The following ITPRID1 variants were observed in gnomAD, a reference collection of about 807,000 sequenced individuals.
The protein encoded by ITPRID1 is ITPR interacting domain containing 1, also known as protein ITPRID1.
Under a neutral mutation model 95.4 loss-of-function variants are expected in ITPRID1, and 96 were observed. The ratio of observed to expected loss-of-function variants is 1.01; its 90% CI spans 0.85 to 1.19. ITPRID1 has a LOEUF of 1.19. Ranked by LOEUF, ITPRID1 falls within the 50% of genes most tolerant of loss-of-function variation. The pLI is 0.00. For missense variants in ITPRID1, 1,339 were observed against 1,252.9 expected (o/e 1.07, Z -1.04); for synonymous variants, 510 against 453.6 (o/e 1.12, Z -1.58).
chr7:31,547,556 C>G (rs1029322570), intron 1 of ITPRID1, among the ~76,000 whole-genome samples: 4 of 152,096 alleles, frequency 2.6e-5, no homozygotes. Context: ...CAATAACCTC[C>G]TACCGGGTCC....
intron 1 of ITPRID1, among the ~76,000 whole-genome samples, chr7:31,526,753 TA>T (rs1783434316): frequency 6.6e-6 from 1 of 152,110 alleles, no homozygotes. Flanking sequence ...TTCTCCCACA[TA>T]GTTCTAAAAT....
At chr7:31,516,248 T>C (rs1783037157) in intron 1 of ITPRID1, among the ~76,000 whole-genome samples, 1 of 152,230 alleles carries the variant, frequency 6.6e-6, no homozygotes, top group South Asian at 2.1e-4. Flanking sequence ...CACATTTAGG[T>C]TTGTTGAAGG....
chr7:31,649,896 C>T (rs887309731), intron 12 of ITPRID1, among the ~76,000 whole-genome samples: 1 of 152,164 alleles, frequency 6.6e-6, no homozygotes, highest in African/African-American at 2.4e-5. Flanking sequence ...GGGGAAAGAG[C>T]TGAGCTCCAC....
chr7:31,652,414 T>G, intron 14 of ITPRID1, 104 bp from the exon 15 acceptor site: 2 of 1,461,628 alleles, frequency 1.4e-6, no homozygotes, highest in Non-Finnish European at 1.8e-6. Flanking sequence ...GAGCCCATTC[T>G]AGAGAATCGA....
At chr7:31,554,984 TGAGCATTATCA>T in intron 5 of ITPRID1, 83 bp downstream of exon 5, 1 of 1,043,656 alleles carries the variant, frequency 9.6e-7, no homozygotes, top group Admixed American at 2.1e-5. Context: ...CTTCTTAAAA[TGAGCATTATCA>T]GAGGCTTCTA....
chr7:31,562,747 C>G (rs1422154867), intron 5 of ITPRID1, among the ~76,000 whole-genome samples: 3 of 152,304 alleles, frequency 2.0e-5, no homozygotes, highest in African/African-American at 7.2e-5. Flanking sequence ...ACCCTCTAGT[C>G]TTATTCCTTC....
Position 31,602,912 on chromosome 7 carries a change from T to G in ITPRID1, c.1228+19721T>G, listed in dbSNP as rs201823764. On this transcript the variant is annotated intron_variant, in intron 10 of 14. Coordinates refer to ENST00000615280, the MANE Select transcript of ITPRID1 (RefSeq NM_001257967.3). ...CTCCCCTTTATTTCCAGTACATTCA[T>G]AGATTCGTTAATAGTCATGCTTAGC... Among the ~76,000 whole-genome samples, 25 of 138,808 alleles carry G rather than the reference T, an allele frequency of 1.8e-4. No homozygotes were observed. The East Asian group carries it at 2.0e-3, about 11-fold the overall frequency. 91.1% of individuals were successfully genotyped at this position (138,808 alleles called of 152,430 possible).
chr7:31,528,407 A>C (rs570406188), intron 1 of ITPRID1, among the ~76,000 whole-genome samples: 1 of 152,190 alleles, frequency 6.6e-6, no homozygotes, highest in South Asian at 2.1e-4. Context: ...ATGCTTTGTC[A>C]TTAGCCTTTT....
intron 5 of ITPRID1, among the ~76,000 whole-genome samples, chr7:31,561,080 T>C (rs1183626081): frequency 2.0e-5 from 3 of 152,156 alleles, no homozygotes; most frequent in South Asian, 4.2e-4. Flanking sequence ...TAATTGACTA[T>C]GTATGAGCAG....
At position 31,643,952 on chromosome 7, in the gene ITPRID1, C is replaced by T. The variant is rs142323942; in HGVS notation, c.2582C>T (p.Ser861Phe). Residue 861 changes from serine to phenylalanine, a missense_variant and splice_region_variant, in exon 12 of 15, where the codon TCC (serine) becomes TTC (phenylalanine). Ser to Phe is a radical substitution (Grantham distance 155). Coordinates refer to ENST00000615280, the MANE Select transcript of ITPRID1 (RefSeq NM_001257967.3). ...LQDTTVRELC[S>F]CTVHEMEAMK... Reference sequence around the variant, plus strand: ...GACACTACAGTGAGGGAGCTATGTTCCGTAAGTGTTCACCCTGGCAAAGAT... The same window carrying T: ...GACACTACAGTGAGGGAGCTATGTTTCGTAAGTGTTCACCCTGGCAAAGAT... 6.2e-7 allele frequency: 1 copy of T among 1,603,602 alleles called. No homozygotes were observed. The highest frequency in any genetic ancestry group is 8.5e-7 in the Non-Finnish European group (1 of 1,175,070).
chr7:31,625,236 T>C (rs984727468), intron 10 of ITPRID1, among the ~76,000 whole-genome samples: 22 of 151,244 alleles, frequency 1.5e-4, no homozygotes, highest in African/African-American at 5.1e-4. Context: ...GGATCTAGAA[T>C]TACAAATACC....
At chr7:31,603,075 C>T (rs1786466952) in intron 10 of ITPRID1, among the ~76,000 whole-genome samples, 1 of 152,094 alleles carries the variant, frequency 6.6e-6, no homozygotes, top group Non-Finnish European at 1.5e-5. Context: ...ATGTCAGGTC[C>T]ATGTTGACCA....
chr7:31,615,494 T>G (rs537376579), intron 10 of ITPRID1, among the ~76,000 whole-genome samples: 2 of 152,178 alleles, frequency 1.3e-5, no homozygotes, highest in African/African-American at 4.8e-5. Context: ...GAAGTCATTT[T>G]TAAATTCTCT....
chr7:31,526,945 C>T (rs755622448), intron 1 of ITPRID1, among the ~76,000 whole-genome samples: 2 of 152,280 alleles, frequency 1.3e-5, no homozygotes, highest in East Asian at 1.9e-4. Flanking sequence ...GCCCTCAGAA[C>T]AAAGTTCAAA....
At chr7:31,525,747 T>C (rs1357765359) in intron 1 of ITPRID1, among the ~76,000 whole-genome samples, 1 of 152,162 alleles carries the variant, frequency 6.6e-6, no homozygotes, top group Non-Finnish European at 1.5e-5. Flanking sequence ...TTAAAGTCCA[T>C]CTAGTGGAAC....
At chr7:31,640,179 A>G (rs980444944) in intron 10 of ITPRID1, among the ~76,000 whole-genome samples, 27 of 152,216 alleles carry the variant, frequency 1.8e-4, no homozygotes, top group Admixed American at 1.6e-3. Context: ...GAAGCAAGAC[A>G]CTTCTGAGTA....
intron 10 of ITPRID1, among the ~76,000 whole-genome samples, chr7:31,603,411 C>A: frequency 6.6e-6 from 1 of 151,980 alleles, no homozygotes; most frequent in Non-Finnish European, 1.5e-5. Context: ...TCCCCACCCA[C>A]TCCACAGACA....
chr7:31,578,948 C>G (rs1175947832), intron 9 of ITPRID1, among the ~76,000 whole-genome samples: 1 of 152,096 alleles, frequency 6.6e-6, no homozygotes, highest in Non-Finnish European at 1.5e-5. Context: ...GAAATGTTTC[C>G]CCCACAATGC....
chr7:31,530,127 C>T (rs116644511), intron 1 of ITPRID1, among the ~76,000 whole-genome samples: 197 of 152,216 alleles, frequency 1.3e-3, no homozygotes, highest in African/African-American at 4.6e-3. Flanking sequence ...ATGCTTTGGG[C>T]TCAAAATTGC....
Sources: gnomAD v4.1 joint callset for allele counts (sites outside exome capture counted in the v4.1 genomes callset) on GRCh38, gnomAD v4.1.1 for gene constraint, MANE v1.5 for transcripts, NCBI Gene and HGNC (gene_info 2026-07-23, HGNC 2026-07-21) for gene names.